The following LRRC37B variants were observed in gnomAD, a reference collection of about 807,000 sequenced individuals.
The protein encoded by LRRC37B is leucine-rich repeat-containing protein 37B.
In LRRC37B, 28 loss-of-function variants were observed where a neutral mutation model predicts 98.3. That is an observed-to-expected ratio of 0.28 (90% CI 0.21 to 0.39). The LOEUF is 0.39. LRRC37B is among the 10% of genes least tolerant of loss of function. The pLI is 1.00. For missense variants in LRRC37B, 938 were observed against 1,182.7 expected, an observed-to-expected ratio of 0.79 and a Z score of 3.03; for synonymous variants, 364 against 442.7, an observed-to-expected ratio of 0.82 and a Z score of 2.23.
chr17:32,038,198 G>C (rs1166761265), intron 7 of LRRC37B, among the ~76,000 whole-genome samples: 3 of 152,068 alleles, frequency 2.0e-5, no homozygotes, highest in African/African-American at 7.2e-5. Context: ...AGTGGCTCAT[G>C]CCTATAATCC....
chr17:32,021,479 A>G, exon 1 of LRRC37B: 1 of 1,614,174 alleles, frequency 6.2e-7, no homozygotes, highest in Non-Finnish European at 8.5e-7. Flanking sequence ...CCCTGGGGCC[A>G]GAGCCGTTCT....
At chr17:32,045,952 C>T in intron 8 of LRRC37B, 134 bp downstream of exon 11, 1 of 1,004,480 alleles carries the variant, frequency 1.0e-6, no homozygotes, top group South Asian at 1.7e-5. Flanking sequence ...TCAACTCCCT[C>T]AACTTCTGAA....
At chr17:32,023,391 G>A (rs1001025312) in intron 1 of LRRC37B, among the ~76,000 whole-genome samples, 12 of 152,084 alleles carry the variant, frequency 7.9e-5, no homozygotes, top group Admixed American at 3.3e-4. Flanking sequence ...CCAAAGTGCT[G>A]GGATTACAGG....
chr17:32,048,738 C>T (rs1911657475), intron 9 of LRRC37B, among the ~76,000 whole-genome samples: 1 of 152,200 alleles, frequency 6.6e-6, no homozygotes, highest in African/African-American at 2.4e-5. Context: ...CCGATGCTCG[C>T]AAAGAGGCCG....
upstream of LRRC37B, among the ~76,000 whole-genome samples, chr17:32,007,661 C>G (rs926490199): frequency 5.9e-5 from 9 of 151,338 alleles, no homozygotes; most frequent in African/African-American, 2.2e-4. This position sits in a 1 kb window ranked among gnomAD's most constrained non-coding sequence, Gnocchi z 4.1. Context: ...CGCTGCGGAG[C>G]GCTGCGCCCC....
In LRRC37B at chr17:32,026,792, T is replaced by C. The variant is rs1469420882; in HGVS notation, c.1833-977T>C. Among the ~76,000 whole-genome samples the C allele has an allele frequency of 2.0e-5, 3 of 152,180 alleles. No homozygotes were observed. In the East Asian group the frequency reaches 5.8e-4, roughly 29 times the overall value. On this transcript the variant is annotated intron_variant, in intron 2 of 11. Transcript: ENST00000327564. Reference sequence around the variant, plus strand: ...TCAGGGTAGTGGTTACCTATTAGGGTTAGAGAGAGGAATATGATTGGAAAG... The same window carrying C: ...TCAGGGTAGTGGTTACCTATTAGGGCTAGAGAGAGGAATATGATTGGAAAG...
chr17:32,048,904 C>G (rs1911664880), intron 9 of LRRC37B, 198 bp from the exon 13 acceptor site: 2 of 1,487,884 alleles, frequency 1.3e-6, no homozygotes, highest in Non-Finnish European at 1.9e-6. Flanking sequence ...ATGTAAAAGA[C>G]ACAAAAGAGA....
In LRRC37B at chr17:32,023,459, A is replaced by G. The variant is rs375679176; in HGVS notation, c.1760+634A>G. Reference sequence around the variant, plus strand: ...CTTTACAGCAGCCTGTCACTCTCCCAATCTCAGTGATGATGCTCTAAGTGG... The same window carrying G: ...CTTTACAGCAGCCTGTCACTCTCCCGATCTCAGTGATGATGCTCTAAGTGG... On this transcript the variant is annotated intron_variant, in intron 1 of 11. Coordinates refer to ENST00000327564, the Ensembl canonical transcript of LRRC37B. Among the ~76,000 whole-genome samples the G allele has an allele frequency of 4.2e-3, 644 of 152,186 alleles. 6 individuals carry two copies. The highest frequency in any genetic ancestry group is 0.014 in the African/African-American group (583 of 41,508).
In LRRC37B at chr17:32,013,710, A is replaced by ATGTGTG. The variant is rs141872427; in HGVS notation, c.-190-4242_-190-4237dup. 6.5e-3 allele frequency among the ~76,000 whole-genome samples: 970 copies of ATGTGTG among 148,160 alleles called. 4 individuals are homozygous for ATGTGTG. Among genetic ancestry groups the ATGTGTG allele is most frequent in the Non-Finnish European group, 7.4e-3 (490 of 66,634 alleles). On this transcript the variant is annotated intron_variant, in intron 1 of 14. Coordinates refer to the LRRC37B transcript ENST00000543378. ...TAGTCCCCCTCCCTTATAATTGTATATGTGTGTGTGTGTGTGTGTGTGTGT... is the reference window on the plus strand; with the variant it reads ...TAGTCCCCCTCCCTTATAATTGTATATGTGTGTGTGTGTGTGTGTGTGTGTGTGTGT...
chr17:32,018,561 T>C (rs2142238451), upstream of LRRC37B, among the ~76,000 whole-genome samples: 1 of 152,230 alleles, frequency 6.6e-6, no homozygotes, highest in South Asian at 2.1e-4. Context: ...ATTACTACAG[T>C]TGTGGACACA....
At chr17:32,019,915 G>A (rs1159544222), upstream of LRRC37B, among the ~76,000 whole-genome samples, 3 of 152,138 alleles carry the variant, frequency 2.0e-5, no homozygotes, top group Non-Finnish European at 2.9e-5. Context: ...GCAATGTTGC[G>A]ATCTCGGCTC....
intron 7 of LRRC37B, among the ~76,000 whole-genome samples, chr17:32,043,573 C>T (rs567827509): frequency 2.5e-3 from 374 of 152,254 alleles, no homozygotes; most frequent in Non-Finnish European, 4.2e-3. Flanking sequence ...ACAAAAGAAA[C>T]ATCTTTGTGT....
intron 1 of LRRC37B, among the ~76,000 whole-genome samples, chr17:32,014,544 A>G (rs1910608176): frequency 6.6e-6 from 1 of 152,252 alleles, no homozygotes; most frequent in African/African-American, 2.4e-5. Context: ...TACCAGTGGT[A>G]ATACTAGAAC....
intron 2 of LRRC37B, among the ~76,000 whole-genome samples, chr17:32,025,030 G>GTGTTT (rs1555535201): frequency 5.7e-5 from 4 of 69,924 alleles, no homozygotes; most frequent in African/African-American, 1.6e-4. Context: ...TTTTTTCCTC[G>GTGTTT]TTTTTTTTTT....
chr17:32,023,164 C>A (rs1910853529), intron 1 of LRRC37B, among the ~76,000 whole-genome samples: 1 of 146,190 alleles, frequency 6.8e-6, no homozygotes, highest in Admixed American at 7.1e-5. Flanking sequence ...TCTTGTTGCA[C>A]AGGCTGGAGT....
exon 10 of LRRC37B, chr17:32,049,322 G>T (rs142181710): frequency 1.2e-6 from 2 of 1,613,350 alleles, no homozygotes; most frequent in African/African-American, 2.7e-5. Flanking sequence ...AATGGGATAC[G>T]GACCAACAAA....
chr17:32,032,644 A>G, intron 5 of LRRC37B, among the ~76,000 whole-genome samples: 1 of 152,122 alleles, frequency 6.6e-6, no homozygotes, highest in Non-Finnish European at 1.5e-5. Context: ...GGTGTTCAGG[A>G]TGTGTCTGGA....
At chr17:32,017,290 C>T (rs1204861630), upstream of LRRC37B, 2 of 152,160 alleles carry the variant, frequency 1.3e-5, no homozygotes, top group Non-Finnish European at 2.9e-5. Flanking sequence ...TGATACCTAG[C>T]CATGCTTCTA....
intron 7 of LRRC37B, chr17:32,041,543 G>A (rs762851312): frequency 4.9e-5 from 25 of 506,744 alleles, no homozygotes; most frequent in African/African-American, 2.3e-4. Flanking sequence ...TGGTGCCCCC[G>A]CCCCGCCCCT....
Sources: gnomAD v4.1 joint callset for allele counts (sites outside exome capture counted in the v4.1 genomes callset) on GRCh38, gnomAD v4.1.1 for gene constraint, Gnocchi (gnomAD v3.1) non-coding constraint, MANE v1.5 for transcripts, NCBI Gene and HGNC (gene_info 2026-07-23, HGNC 2026-07-21) for gene names.